The following PCSK2 variants were observed in gnomAD, a reference collection of about 807,000 sequenced individuals.
The protein encoded by PCSK2 is neuroendocrine convertase 2.
A neutral mutation model predicts 69.7 loss-of-function variants in PCSK2; 14 were observed. That is an observed-to-expected ratio of 0.20 (90% CI 0.13 to 0.31). The LOEUF is 0.31. PCSK2 is among the 10% of genes least tolerant of loss of function. The probability of loss-of-function intolerance (pLI) is 1.00; values close to 1 mark genes in which losing one functional copy is unlikely to be tolerated. For missense variants in PCSK2, 544 were observed against 842.5 expected (o/e 0.65, Z 4.39); for synonymous variants, 307 against 320.7 (o/e 0.96, Z 0.46).
chr20:17,335,307 A>G (rs1266072498), intron 2 of PCSK2, among the ~76,000 whole-genome samples: 4 of 152,196 alleles, frequency 2.6e-5, no homozygotes, highest in African/African-American at 9.7e-5. Context: ...CAGCCTCTCC[A>G]GGACCATAGC....
chr20:17,460,363 A>G (rs1340304820), intron 10 of PCSK2, among the ~76,000 whole-genome samples: 9 of 152,230 alleles, frequency 5.9e-5, no homozygotes, highest in Non-Finnish European at 8.8e-5. Context: ...GCTTCTGCTT[A>G]TTTCTCATTG....
chr20:17,455,721 C>A (rs2032907269), intron 9 of PCSK2, among the ~76,000 whole-genome samples: 1 of 152,164 alleles, frequency 6.6e-6, no homozygotes, highest in Non-Finnish European at 1.5e-5. Flanking sequence ...ATAATGTTTC[C>A]TTTTAGGTTT....
intron 6 of PCSK2, among the ~76,000 whole-genome samples, chr20:17,418,064 C>G (rs1349459421): frequency 1.3e-5 from 2 of 152,150 alleles, no homozygotes; most frequent in African/African-American, 4.8e-5. Context: ...AACAGATGCC[C>G]AAGTTACTAC....
intron 1 of PCSK2, among the ~76,000 whole-genome samples, chr20:17,242,679 G>A (rs1986626765): frequency 6.6e-6 from 1 of 152,204 alleles, no homozygotes; most frequent in Non-Finnish European, 1.5e-5. Context: ...GAGGCTGAAT[G>A]AGATCTTTTG....
intron 1 of PCSK2, among the ~76,000 whole-genome samples, chr20:17,258,536 T>C (rs1385396086): frequency 6.6e-6 from 1 of 152,144 alleles, no homozygotes; most frequent in African/African-American, 2.4e-5. Context: ...AAATAAGTCA[T>C]GGTATAGCCC....
At chr20:17,343,158 C>T (rs1251250760) in intron 2 of PCSK2, among the ~76,000 whole-genome samples, 1 of 152,204 alleles carries the variant, frequency 6.6e-6, no homozygotes, top group Non-Finnish European at 1.5e-5. Context: ...CTCTGTATTG[C>T]ATGAGAAAAA....
At chr20:17,296,781 A>G (rs1988908677) in intron 2 of PCSK2, among the ~76,000 whole-genome samples, 2 of 152,212 alleles carry the variant, frequency 1.3e-5, no homozygotes, top group South Asian at 4.1e-4. Context: ...TTCAACCCTA[A>G]AAGTTTGGGT....
chr20:17,236,841 A>G (rs1986359623), intron 1 of PCSK2, among the ~76,000 whole-genome samples: 1 of 152,198 alleles, frequency 6.6e-6, no homozygotes, highest in Non-Finnish European at 1.5e-5. Flanking sequence ...GATAATATCC[A>G]CTTAGGAATC....
chr20:17,402,080 C>A (rs62201039), intron 5 of PCSK2, among the ~76,000 whole-genome samples: 13,227 of 152,230 alleles, frequency 0.087, 674 homozygotes, highest in Middle Eastern at 0.22. Context: ...CAGGCAAAGG[C>A]CACTCTAAAG....
rs558703539 is a variant in PCSK2, at chr20:17,405,326, A to G, written c.544-3937A>G. Among the ~76,000 whole-genome samples, 11 of 152,330 alleles carry G rather than the reference A, an allele frequency of 7.2e-5. No individual in the cohort carries two copies. The South Asian group carries it at 2.1e-3, about 29-fold the overall frequency. On this transcript the variant is annotated intron_variant, in intron 5 of 11. Coordinates refer to ENST00000262545, the MANE Select transcript of PCSK2 (RefSeq NM_002594.5). Reference sequence around the variant, plus strand: ...TAGGGCAGCCCAGCCAGGGAAGCCCATTGATCACAGAGGCATTAAATTCCA... The same window carrying G: ...TAGGGCAGCCCAGCCAGGGAAGCCCGTTGATCACAGAGGCATTAAATTCCA...
chr20:17,278,567 T>C (rs1277527320), intron 2 of PCSK2, among the ~76,000 whole-genome samples: 1 of 151,732 alleles, frequency 6.6e-6, no homozygotes, highest in Admixed American at 6.6e-5. Flanking sequence ...CCAGGGACTG[T>C]TGTGGGGTGG....
Position 17,419,647 on chromosome 20 carries a change from A to G in PCSK2, c.621-9788A>G, listed in dbSNP as rs145554260. ...ACCTTTCAACCATGCCAAGATGTTGAGTGGCCTTGACATCTGTCCATTGTC... is the reference window on the plus strand; with the variant it reads ...ACCTTTCAACCATGCCAAGATGTTGGGTGGCCTTGACATCTGTCCATTGTC... On this transcript the variant is annotated intron_variant, in intron 6 of 11. Transcript: ENST00000262545. 1.8e-3 allele frequency among the ~76,000 whole-genome samples: 271 copies of G among 152,290 alleles called. 4 individuals are homozygous for G. The highest frequency in any genetic ancestry group is 0.015 in the South Asian group (72 of 4,822).
chr20:17,236,374 T>C (rs1986338375), intron 1 of PCSK2, among the ~76,000 whole-genome samples: 1 of 152,158 alleles, frequency 6.6e-6, no homozygotes, highest in Admixed American at 6.5e-5. Context: ...ACATATTTTA[T>C]ACATACATGG....
chr20:17,432,137 C>G (rs780621670), intron 7 of PCSK2, among the ~76,000 whole-genome samples: 1 of 152,174 alleles, frequency 6.6e-6, no homozygotes, highest in Non-Finnish European at 1.5e-5. Flanking sequence ...ATTGAGTCCT[C>G]TGAACAGAAG....
chr20:17,447,880 A>G (rs2032731727), intron 8 of PCSK2, among the ~76,000 whole-genome samples: 1 of 152,192 alleles, frequency 6.6e-6, no homozygotes, highest in Non-Finnish European at 1.5e-5. Flanking sequence ...AGGCCAAGAA[A>G]GTTGATCTAT....
At chr20:17,289,553 T>A (rs1568586730) in intron 2 of PCSK2, among the ~76,000 whole-genome samples, 2 of 152,212 alleles carry the variant, frequency 1.3e-5, no homozygotes, top group Non-Finnish European at 2.9e-5. Flanking sequence ...TTAAAAATAC[T>A]TTGACTATTC....
In PCSK2 at chr20:17,271,431, G is replaced by T. The variant is rs1214194617; in HGVS notation, c.282+11087G>T. ...TTGAAAACCTTTGATAGCTAAACAA[G>T]TTCGATTCTTTAGCCTAGTCAATCA... On this transcript the variant is annotated intron_variant, in intron 2 of 11. Transcript: ENST00000262545. 2.6e-5 allele frequency among the ~76,000 whole-genome samples: 4 copies of T among 152,002 alleles called. No homozygotes were observed. In the East Asian group the frequency reaches 7.8e-4, roughly 29 times the overall value.
At chr20:17,263,462 G>C (rs1025939639) in intron 2 of PCSK2, among the ~76,000 whole-genome samples, 3 of 152,234 alleles carry the variant, frequency 2.0e-5, no homozygotes, top group Non-Finnish European at 2.9e-5. Context: ...GTTTATTTCA[G>C]TAATATCTTT....
intron 5 of PCSK2, among the ~76,000 whole-genome samples, chr20:17,400,841 C>A (rs1299396758): frequency 6.6e-6 from 1 of 152,176 alleles, no homozygotes; most frequent in Non-Finnish European, 1.5e-5. Context: ...AGTTTCATAC[C>A]TCATTCTTTG....
Sources: allele counts gnomAD v4.1 joint callset (sites outside exome capture counted in the v4.1 genomes callset), GRCh38; gene constraint gnomAD v4.1.1; transcripts MANE v1.5; gene names NCBI Gene and HGNC (gene_info 2026-07-23, HGNC 2026-07-21).